MRTFA: variants seen among roughly 807,000 people sequenced by gnomAD.
MRTFA encodes the protein myocardin related transcription factor A.
Under a neutral mutation model 83.5 loss-of-function variants are expected in MRTFA, and 20 were observed. That is an observed-to-expected ratio of 0.24 (90% CI 0.17 to 0.35). The LOEUF (loss-of-function observed/expected upper bound fraction) is 0.35. MRTFA is among the 10% of genes least tolerant of loss of function. The probability of loss-of-function intolerance (pLI) is 1.00; values close to 1 mark genes in which losing one functional copy is unlikely to be tolerated. For synonymous variants in MRTFA, 659 were observed against 541.2 expected, an observed-to-expected ratio of 1.22 and a Z score of -3.02; for missense variants, 1,200 against 1,224.7, an observed-to-expected ratio of 0.98 and a Z score of 0.30.
intron 7 of MRTFA, among the ~76,000 whole-genome samples, chr22:40,427,322 C>T (rs780515046): frequency 6.6e-6 from 1 of 152,180 alleles, no homozygotes; most frequent in Non-Finnish European, 1.5e-5. Flanking sequence ...CTCCTCCGGG[C>T]CCAGTGTGGG....
intron 1 of MRTFA, among the ~76,000 whole-genome samples, chr22:40,595,411 G>A (rs1163947407): frequency 5.9e-5 from 9 of 151,978 alleles, no homozygotes; most frequent in Non-Finnish European, 2.9e-5. Context: ...GTGAGCCACC[G>A]CGCCCGGCCG....
At chr22:40,624,400 T>TG (rs2056557493) in intron 1 of MRTFA, among the ~76,000 whole-genome samples, 1 of 130,532 alleles carries the variant, frequency 7.7e-6, no homozygotes, top group Non-Finnish European at 1.5e-5. Flanking sequence ...CACTCCAGCC[T>TG]GGGCAACAGA....
At chr22:40,519,256 G>C (rs1002288457) in intron 3 of MRTFA, among the ~76,000 whole-genome samples, 2 of 152,206 alleles carry the variant, frequency 1.3e-5, no homozygotes, top group Non-Finnish European at 2.9e-5. Context: ...CCCGAAAAAT[G>C]AGTGAGGATG....
intron 1 of MRTFA, among the ~76,000 whole-genome samples, chr22:40,594,972 T>C (rs1426418553): frequency 1.3e-5 from 2 of 151,844 alleles, no homozygotes; most frequent in Non-Finnish European, 2.9e-5. Flanking sequence ...TGCTAGATAC[T>C]GTTGCAAGTA....
intron 3 of MRTFA, among the ~76,000 whole-genome samples, chr22:40,491,805 G>A (rs944192540): frequency 1.3e-5 from 2 of 152,162 alleles, no homozygotes; most frequent in Non-Finnish European, 2.9e-5. Flanking sequence ...GCACCCTACA[G>A]TACTATGTTC....
intron 2 of MRTFA, among the ~76,000 whole-genome samples, chr22:40,557,806 G>T (rs541114692): frequency 4.9e-4 from 74 of 152,164 alleles, no homozygotes; most frequent in African/African-American, 1.8e-3. Flanking sequence ...TACTGAGCTT[G>T]AAAGAATCCC....
Position 40,425,845 on chromosome 22 carries a change from G to A in MRTFA, c.602-1464C>T, listed in dbSNP as rs551399906. On this transcript the variant is annotated intron_variant, in intron 7 of 14. Coordinates refer to ENST00000355630, the MANE Select transcript of MRTFA (RefSeq NM_020831.6). ...ACCCAAGGAAGCTGCTGGCCGTACT[G>A]TGGAAAACCCAGGGCTGGTACAGGC... Among the ~76,000 whole-genome samples the A allele has an allele frequency of 3.9e-5, 6 of 152,268 alleles. No homozygotes were observed. The East Asian group carries it at 1.2e-3, about 29-fold the overall frequency.
At chr22:40,584,813 G>A (rs972617411) in intron 2 of MRTFA, among the ~76,000 whole-genome samples, 6 of 151,842 alleles carry the variant, frequency 4.0e-5, no homozygotes, top group African/African-American at 1.5e-4. Flanking sequence ...GGAGGCTGAG[G>A]GGGGTGGATC....
chr22:40,430,375 C>A (rs1206867770), intron 6 of MRTFA, among the ~76,000 whole-genome samples: 2 of 151,770 alleles, frequency 1.3e-5, no homozygotes, highest in African/African-American at 2.4e-5. Context: ...GTAGTCCCAG[C>A]GACTCGGAAG....
At chr22:40,413,980 G>C (rs2052620733) in intron 14 of MRTFA, among the ~76,000 whole-genome samples, 1 of 152,232 alleles carries the variant, frequency 6.6e-6, no homozygotes, top group Non-Finnish European at 1.5e-5. Context: ...TTGCTAGTGT[G>C]AATGTAAAAC....
Position 40,418,975 on chromosome 22 carries a change from G to C in MRTFA, c.1763C>G (p.Thr588Ser). 6.8e-6 allele frequency: 11 copies of C among 1,612,860 alleles called. No homozygotes were observed. The highest frequency in any genetic ancestry group is 9.3e-6 in the Non-Finnish European group (11 of 1,179,938). Residue 588 changes from threonine (T) to serine (S), a missense_variant, in exon 12 of 15, where the codon ACC (threonine) becomes AGC (serine). Physicochemically the swap from Thr to Ser is moderately conservative, Grantham distance 58 (BLOSUM62 1). Around this residue, in one of 2 missense-constraint regions of MRTFA, gnomAD observed 1,107 missense variants for 1,041.8 expected, o/e 1.06. Transcript: ENST00000355630. The stretch of plus-strand genomic sequence containing the variant: ...GATCTGCAGTGGCGAGGCCTGCAGG[G>C]TCAGCTGCGTCAGAGGTGATGTCAC...
chr22:40,417,267 G>A, intron 13 of MRTFA, 74 bp downstream of exon 13: 13 of 1,542,818 alleles, frequency 8.4e-6, no homozygotes, highest in Non-Finnish European at 1.1e-5. Flanking sequence ...TCCTCCGGGT[G>A]GGGCTGTAGG....
chr22:40,471,374 G>A (rs1210031883), intron 3 of MRTFA, among the ~76,000 whole-genome samples: 1 of 151,722 alleles, frequency 6.6e-6, no homozygotes, highest in Admixed American at 6.6e-5. Flanking sequence ...CTGCACTCCA[G>A]CCTGAGCAAC....
At chr22:40,443,947 A>C (rs987024064) in intron 4 of MRTFA, among the ~76,000 whole-genome samples, 1 of 152,160 alleles carries the variant, frequency 6.6e-6, no homozygotes. Flanking sequence ...ATGCACCCCC[A>C]CCATGGTGTG....
At chr22:40,498,125 G>C (rs1193511088) in intron 3 of MRTFA, among the ~76,000 whole-genome samples, 1 of 151,704 alleles carries the variant, frequency 6.6e-6, no homozygotes, top group Non-Finnish European at 1.5e-5. Flanking sequence ...CTGGGTGACA[G>C]AGTAAGACCC....
intron 8 of MRTFA, 60 bp downstream of exon 8, chr22:40,424,146 C>T (rs1179833216): frequency 3.2e-5 from 47 of 1,489,174 alleles, no homozygotes; most frequent in Non-Finnish European, 4.1e-5. Context: ...GGAGAGAGAC[C>T]TTACTCTGCG....
chr22:40,546,694 G>GA (rs2055369711), intron 3 of MRTFA, among the ~76,000 whole-genome samples: 5 of 152,182 alleles, frequency 3.3e-5, no homozygotes, highest in Admixed American at 3.3e-4. Flanking sequence ...GAGTTGCTGG[G>GA]AAAGATTTCA....
chr22:40,588,306 T>C (rs1602467078), intron 2 of MRTFA, among the ~76,000 whole-genome samples: 2 of 152,138 alleles, frequency 1.3e-5, no homozygotes, highest in East Asian at 1.9e-4. Flanking sequence ...GGATTACAGG[T>C]GTGAGCCACC....
rs774183094 is a variant in MRTFA, at chr22:40,457,436, G to GAAAGAA, written c.307+5784_307+5785insTTCTTT. 1.6e-3 allele frequency among the ~76,000 whole-genome samples: 196 copies of GAAAGAA among 119,880 alleles called. 1 individual carries two copies. Among genetic ancestry groups the GAAAGAA allele is most frequent in the African/African-American group, 4.3e-3 (132 of 30,976 alleles). 78.6% of individuals were successfully genotyped at this position (119,880 alleles called of 152,430 possible). On this transcript the variant is annotated intron_variant, in intron 4 of 14. Coordinates refer to ENST00000355630, the MANE Select transcript of MRTFA (RefSeq NM_020831.6). ...AGAGAGACAGAATGAAAGAAAGAAA[G>GAAAGAA]AGAAAGAAAGAAAGAAAGAAAGAAA...
Sources: allele counts gnomAD v4.1 joint callset (sites outside exome capture counted in the v4.1 genomes callset), GRCh38; gene constraint gnomAD v4.1.1; regional missense constraint gnomAD v4.1.1; transcripts MANE v1.5; gene names NCBI Gene and HGNC (gene_info 2026-07-23, HGNC 2026-07-21).